PCDH9: variants seen among roughly 807,000 people sequenced by gnomAD.
The protein encoded by PCDH9 is protocadherin 9, also known as protocadherin-9.
A neutral mutation model predicts 70.6 loss-of-function variants in PCDH9; 24 were observed. The ratio of observed to expected loss-of-function variants is 0.34; its 90% CI spans 0.25 to 0.48. The LOEUF is 0.48. Among genes scored for constraint, PCDH9 ranks in the 20% least tolerant of loss-of-function variants. The probability of loss-of-function intolerance (pLI) is 0.99; values close to 1 mark genes in which losing one functional copy is unlikely to be tolerated. For synonymous variants in PCDH9, 562 were observed against 558.5 expected, an observed-to-expected ratio of 1.01 and a Z score of -0.09; for missense variants, 1,281 against 1,503.6, an observed-to-expected ratio of 0.85 and a Z score of 2.45.
intron 4 of PCDH9, among the ~76,000 whole-genome samples, chr13:66,429,065 G>GTTTTTTTTTTGTTTTTTTTTTTTTTTTT (rs1957722279): frequency 6.6e-6 from 1 of 151,526 alleles, no homozygotes; most frequent in African/African-American, 2.4e-5. Flanking sequence ...AGCACATGCA[G>GTTTTTTTTTTGTTTTTTTTTTTTTTTTT]TTTTATATTA....
At chr13:66,887,665 A>C (rs2082030207) in intron 3 of PCDH9, among the ~76,000 whole-genome samples, 2 of 152,220 alleles carry the variant, frequency 1.3e-5, no homozygotes, top group Admixed American at 6.5e-5. Flanking sequence ...ATACATTCAG[A>C]AGTGAATATT....
intron 3 of PCDH9, among the ~76,000 whole-genome samples, chr13:66,732,015 T>A (rs937891819): frequency 2.0e-5 from 3 of 151,996 alleles, no homozygotes; most frequent in African/African-American, 7.2e-5. Context: ...ACATTAAAAA[T>A]AATTTTGACA....
intron 2 of PCDH9, among the ~76,000 whole-genome samples, chr13:67,198,356 G>T (rs2089127294): frequency 6.6e-6 from 1 of 151,694 alleles, no homozygotes; most frequent in Non-Finnish European, 1.5e-5. Context: ...AAATCCTAAG[G>T]AGTCTCCTTT....
chr13:66,635,792 A>G (rs537129411), intron 3 of PCDH9, among the ~76,000 whole-genome samples: 1 of 152,234 alleles, frequency 6.6e-6, no homozygotes, highest in East Asian at 1.9e-4. Context: ...TTTCAGTCTT[A>G]TGAATTTACA....
intron 3 of PCDH9, among the ~76,000 whole-genome samples, chr13:66,824,737 TATAC>T (rs1281478788): frequency 1.4e-5 from 2 of 146,586 alleles, no homozygotes; most frequent in African/African-American, 5.0e-5. Context: ...CATATATATA[TATAC>T]ACACACACAT....
intron 3 of PCDH9, among the ~76,000 whole-genome samples, chr13:66,647,920 T>C (rs1033065130): frequency 5.3e-5 from 8 of 152,144 alleles, no homozygotes; most frequent in African/African-American, 1.2e-4. Flanking sequence ...AAGCAGGCAG[T>C]ACCTGCTGTG....
At chr13:66,830,116 T>A (rs1566224672) in intron 3 of PCDH9, among the ~76,000 whole-genome samples, 1 of 152,088 alleles carries the variant, frequency 6.6e-6, no homozygotes, top group Non-Finnish European at 1.5e-5. Context: ...CAACATGAAC[T>A]TCGATTCTCA....
chr13:67,178,649 C>T (rs1233923346), intron 2 of PCDH9, among the ~76,000 whole-genome samples: 1 of 152,028 alleles, frequency 6.6e-6, no homozygotes, highest in Non-Finnish European at 1.5e-5. Context: ...CTTATTCACC[C>T]CAGGTCTCTG....
rs150647348 is a variant in PCDH9 at position 66,821,550 on chromosome 13, G to A, written c.3138+81954C>T. ...CATAGAAAAAGTCAGTATTTTAAAT[G>A]GTATTCTTAAGAGAGTAAGCCAGAC... On this transcript the variant is annotated intron_variant, in intron 3 of 4. Transcript: ENST00000377865. Among the ~76,000 whole-genome samples the A allele has an allele frequency of 7.2e-5, 11 of 152,188 alleles. No homozygotes were observed. In the East Asian group the frequency reaches 1.5e-3, roughly 21 times the overall value.
Position 66,784,699 on chromosome 13 carries a change from G to C in PCDH9, c.3138+118805C>G, listed in dbSNP as rs114067538. 3.6e-3 allele frequency among the ~76,000 whole-genome samples: 544 copies of C among 152,144 alleles called. 4 individuals are homozygous for C. Among genetic ancestry groups the C allele is most frequent in the African/African-American group, 0.013 (527 of 41,510 alleles). On this transcript the variant is annotated intron_variant, in intron 3 of 4. Coordinates refer to ENST00000377865, the MANE Select transcript of PCDH9 (RefSeq NM_203487.3). The stretch of plus-strand genomic sequence containing the variant: ...AAACCGTTCCATAAGTGTCTCCATA[G>C]ATGTGTATTAAAACAATCAAACTAA...
chr13:67,209,001 T>C (rs2089415212), intron 2 of PCDH9: 1 of 152,180 alleles, frequency 6.6e-6, no homozygotes, highest in South Asian at 2.1e-4. Context: ...GTAAGTATTA[T>C]ATATCTTTCC....
chr13:67,051,381 G>GTTTTTT (rs1566390103), intron 2 of PCDH9, among the ~76,000 whole-genome samples: 1 of 87,730 alleles, frequency 1.1e-5, no homozygotes, highest in Non-Finnish European at 2.2e-5. Flanking sequence ...AACAATACAA[G>GTTTTTT]ATTTTTTTTT....
At chr13:66,397,946 A>G (rs1957131269) in intron 4 of PCDH9, among the ~76,000 whole-genome samples, 1 of 151,974 alleles carries the variant, frequency 6.6e-6, no homozygotes, top group Non-Finnish European at 1.5e-5. Context: ...GAGAAATTAT[A>G]TATATTGAAA....
At position 67,114,748 on chromosome 13, in the gene PCDH9, AG is replaced by A. The variant is rs573454767; in HGVS notation, c.3036+110656del. 3.3e-5 allele frequency among the ~76,000 whole-genome samples: 5 copies of A among 152,328 alleles called. No individual in the cohort carries two copies. The South Asian group carries it at 1.0e-3, about 32-fold the overall frequency. On this transcript the variant is annotated intron_variant, in intron 2 of 4. Transcript: ENST00000377865. ...TGTAAACTAAAATCTGTAAAAGATG[AG>A]GGGAGATAAATGTAGAAAGTCAATA...
intron 3 of PCDH9, among the ~76,000 whole-genome samples, chr13:66,779,849 C>CTCTCTCTCTCTATATATA (rs1395244975): frequency 1.5e-4 from 12 of 78,902 alleles, no homozygotes; most frequent in African/African-American, 5.7e-4. Context: ...CTCTCTCTCT[C>CTCTCTCTCTCTATATATA]TATATATATA....
At chr13:66,822,471 G>T (rs897650252) in intron 3 of PCDH9, among the ~76,000 whole-genome samples, 1 of 150,286 alleles carries the variant, frequency 6.7e-6, no homozygotes, top group African/African-American at 2.5e-5. Context: ...CAATAGACTC[G>T]TCTGAATTTG....
intron 4 of PCDH9, among the ~76,000 whole-genome samples, chr13:66,611,803 G>C (rs760311870): frequency 5.3e-5 from 8 of 152,148 alleles, no homozygotes; most frequent in Non-Finnish European, 7.4e-5. Context: ...CATAATAACA[G>C]CTAACATAAT....
At chr13:66,567,310 T>C (rs895724455) in intron 4 of PCDH9, among the ~76,000 whole-genome samples, 1 of 152,166 alleles carries the variant, frequency 6.6e-6, no homozygotes, top group African/African-American at 2.4e-5. Context: ...AGACTACATT[T>C]GAATAAAAAA....
chr13:66,631,623 A>G (rs1018569638), intron 3 of PCDH9, among the ~76,000 whole-genome samples: 1 of 152,242 alleles, frequency 6.6e-6, no homozygotes, highest in African/African-American at 2.4e-5. Context: ...TCAATCTTGT[A>G]TAATTCACGA....
Sources: gnomAD v4.1 joint callset for allele counts (sites outside exome capture counted in the v4.1 genomes callset) on GRCh38, gnomAD v4.1.1 for gene constraint, MANE v1.5 for transcripts, NCBI Gene and HGNC (gene_info 2026-07-23, HGNC 2026-07-21) for gene names.